PCDHGB5: variants seen among roughly 807,000 people sequenced by gnomAD.
The protein encoded by PCDHGB5 is protocadherin gamma-B5.
PCDHGB5 carries 48 observed loss-of-function variants against 62.9 expected under a neutral mutation model. That is an observed-to-expected ratio of 0.76 (90% confidence interval 0.61 to 0.97). The LOEUF (loss-of-function observed/expected upper bound fraction) is 0.97, where lower values mean the gene tolerates loss of function less well. Ranked by LOEUF, PCDHGB5 falls within the 50% of genes least tolerant of loss-of-function variation. The pLI is 0.00. For missense variants in PCDHGB5, 1,118 were observed against 1,198.6 expected (o/e 0.93, Z 0.99); for synonymous variants, 474 against 511.2 (o/e 0.93, Z 0.98).
At chr5:141,410,631 C>A (rs1227907799) in intron 1 of PCDHGB5, 1 of 1,600,936 alleles carries the variant, frequency 6.2e-7, no homozygotes, top group East Asian at 2.2e-5. Context: ...GTGAGTTTCT[C>A]TTTTTTGTGT....
chr5:141,497,187 G>T (rs1475463841), intron 2 of PCDHGB5, among the ~76,000 whole-genome samples: 2 of 139,586 alleles, frequency 1.4e-5, no homozygotes, highest in Non-Finnish European at 3.0e-5. Flanking sequence ...GTTCTGAGAG[G>T]CAGAGAACAA....
intron 1 of PCDHGB5, chr5:141,471,461 T>C (rs1409374601): frequency 6.6e-6 from 1 of 152,194 alleles, no homozygotes; most frequent in Non-Finnish European, 1.5e-5. Flanking sequence ...GAAAGATTAC[T>C]CAGGTCTCTG....
At chr5:141,409,638 C>A (rs1040366842) in intron 1 of PCDHGB5, 1 of 1,613,648 alleles carries the variant, frequency 6.2e-7, no homozygotes, top group Admixed American at 1.7e-5. Flanking sequence ...GCCTCTGACC[C>A]GGATTTGGGG....
At position 141,489,384 on chromosome 5, in the gene PCDHGB5, T is replaced by G; in HGVS notation, c.2398-5423T>G. The G allele has an allele frequency of 6.2e-7, 1 of 1,613,986 alleles. No individual in the cohort carries two copies. The highest frequency in any genetic ancestry group is 1.3e-5 in the African/African-American group (1 of 75,042). On this transcript the variant is annotated intron_variant, in intron 1 of 3. Transcript: ENST00000617380. This position sits in a 1 kb window ranked among gnomAD's most constrained non-coding sequence, Gnocchi z 4.5. ...AGCCGGGGACGCTGGTGGGGAATGT[T>G]GCTCAGGATCTGGGCTTAAAGATGA...
rs2097438776 is a variant in PCDHGB5 at position 141,432,018 on chromosome 5, T to C, written c.2397+31494T>C. Reference sequence around the variant, plus strand: ...AGGGAACAGGTTCCTAGCTACAACATCACAGTGACCGCCACTGACCGGGGA... The same window carrying C: ...AGGGAACAGGTTCCTAGCTACAACACCACAGTGACCGCCACTGACCGGGGA... On this transcript the variant is annotated intron_variant, in intron 1 of 3. Transcript: ENST00000617380. This position sits in a 1 kb window ranked among gnomAD's most constrained non-coding sequence, Gnocchi z 6.0. 1.9e-6 allele frequency: 3 copies of C among 1,614,048 alleles called. No homozygotes were observed. In the South Asian group the frequency reaches 3.3e-5, roughly 18 times the overall value.
chr5:141,452,533 A>G lies in PCDHGB5; in HGVS notation c.2398-42274A>G, dbSNP rs562306062. ...CACACTCCCTCAAAATCGTGAGTTC[A>G]TATTGATACCTCCAGTTCTGGTTCT... On this transcript the variant is annotated intron_variant, in intron 1 of 3. Transcript: ENST00000617380. Among the ~76,000 whole-genome samples the G allele has an allele frequency of 2.0e-5, 3 of 152,328 alleles. No individual in the cohort carries two copies. The East Asian group carries it at 5.8e-4, about 29-fold the overall frequency.
intron 3 of PCDHGB5, among the ~76,000 whole-genome samples, chr5:141,506,781 T>C (rs965408564): frequency 1.4e-4 from 22 of 152,168 alleles, no homozygotes; most frequent in African/African-American, 5.3e-4. Context: ...CCTGGGCTTA[T>C]AAGGAGGCTG....
In PCDHGB5 at chr5:141,485,972, T is replaced by G; in HGVS notation, c.2398-8835T>G. ...CATGGTGCTCATCCAGCTCAATGCC[T>G]CAGACCCGGACCTGGGTCCCAGTGG... On this transcript the variant is annotated intron_variant, in intron 1 of 3. Transcript: ENST00000617380. The surrounding 1 kb of genome is among the most constrained non-coding windows in gnomAD (Gnocchi z 5.7). 1 of 1,614,184 alleles carries G rather than the reference T, an allele frequency of 6.2e-7. No individual in the cohort carries two copies. Among genetic ancestry groups the G allele is most frequent in the Non-Finnish European group, 8.5e-7 (1 of 1,180,022 alleles).
intron 1 of PCDHGB5, chr5:141,417,676 C>A (rs902104404): frequency 4.0e-6 from 4 of 993,448 alleles, no homozygotes; most frequent in Middle Eastern, 3.3e-4. Flanking sequence ...GCGCAGCCAA[C>A]AACAGAAAAG....
chr5:141,409,116 A>G (rs1236625059), intron 1 of PCDHGB5: 1 of 1,614,034 alleles, frequency 6.2e-7, no homozygotes. Flanking sequence ...AAGAATAACC[A>G]GTCATTTGAT....
chr5:141,501,304 C>T (rs1005430489), intron 2 of PCDHGB5, among the ~76,000 whole-genome samples: 104 of 151,340 alleles, frequency 6.9e-4, no homozygotes, highest in African/African-American at 2.2e-3. Flanking sequence ...CACACACACA[C>T]ACACACACAC....
intron 2 of PCDHGB5, 105 bp downstream of exon 2, chr5:141,494,970 C>T (rs1352514628): frequency 1.9e-6 from 3 of 1,584,974 alleles, no homozygotes; most frequent in East Asian, 4.6e-5. Context: ...GATGGCTTCT[C>T]CCTCAGTTTG....
At chr5:141,497,284 A>G (rs1486878285) in intron 2 of PCDHGB5, among the ~76,000 whole-genome samples, 1 of 152,104 alleles carries the variant, frequency 6.6e-6, no homozygotes, top group South Asian at 2.1e-4. Context: ...TGTTCCCTCT[A>G]CCTACCACCA....
At chr5:141,433,377 A>ATCTG (rs1300427377) in intron 1 of PCDHGB5, among the ~76,000 whole-genome samples, 1 of 150,958 alleles carries the variant, frequency 6.6e-6, no homozygotes, top group Non-Finnish European at 1.5e-5. Context: ...CTATCTATCT[A>ATCTG]TCTATCTATC....
intron 1 of PCDHGB5, chr5:141,422,001 C>T (rs2096616874): frequency 6.2e-7 from 1 of 1,609,114 alleles, no homozygotes; most frequent in Non-Finnish European, 8.5e-7. Context: ...ACATCAGCTC[C>T]GGAACTCGGG....
intron 1 of PCDHGB5, among the ~76,000 whole-genome samples, chr5:141,483,980 G>C (rs1379963326): frequency 2.0e-5 from 3 of 148,294 alleles, no homozygotes; most frequent in African/African-American, 7.5e-5. Flanking sequence ...CAAGGGAGTA[G>C]CTAGGTTGCT....
rs1369501221 is a variant in PCDHGB5 at position 141,493,257 on chromosome 5, A to G, written c.2398-1550A>G. On this transcript the variant is annotated intron_variant, in intron 1 of 3. Coordinates refer to ENST00000617380, the MANE Select transcript of PCDHGB5 (RefSeq NM_018925.3). The surrounding 1 kb of genome is among the most constrained non-coding windows in gnomAD (Gnocchi z 4.3). ...GGCTAGGTACTAACATGCCTCTCTT[A>G]TAACAGCTTCACAGAGGTCAAGTGA... Among the ~76,000 whole-genome samples the G allele has an allele frequency of 6.6e-6, 1 of 152,190 alleles. No individual in the cohort carries two copies. Among genetic ancestry groups the G allele is most frequent in the South Asian group, 2.1e-4 (1 of 4,830 alleles).
In PCDHGB5 at chr5:141,423,840, A is replaced by G. The variant is rs189449471; in HGVS notation, c.2397+23316A>G. ...CTTTGCCTTTCATGAGATTACGATA[A>G]TCTTTCAGAACGTTTTTGTGAAAGT... On this transcript the variant is annotated intron_variant, in intron 1 of 3. Coordinates refer to ENST00000617380, the MANE Select transcript of PCDHGB5 (RefSeq NM_018925.3). 1,637 of 1,279,840 alleles carry G rather than the reference A, an allele frequency of 1.3e-3. 3 individuals carry two copies. The highest frequency in any genetic ancestry group is 1.5e-3 in the Non-Finnish European group (1,519 of 1,009,392). 79.3% of individuals were successfully genotyped at this position (1,279,840 alleles called of 1,614,324 possible).
At chr5:141,419,424 A>G (rs1197238939) in intron 1 of PCDHGB5, 1 of 1,613,230 alleles carries the variant, frequency 6.2e-7, no homozygotes, top group Admixed American at 1.7e-5. Flanking sequence ...GCCTTCGACC[A>G]CGAGCAGCTG....
Sources: gnomAD v4.1 joint callset for allele counts (sites outside exome capture counted in the v4.1 genomes callset) on GRCh38, gnomAD v4.1.1 for gene constraint, Gnocchi (gnomAD v3.1) non-coding constraint, MANE v1.5 for transcripts, NCBI Gene and HGNC (gene_info 2026-07-23, HGNC 2026-07-21) for gene names.